Variants in GXYLT2 observed in about 807,000 individuals in gnomAD.
GXYLT2 encodes the protein glucoside xylosyltransferase 2.
In GXYLT2, 53 loss-of-function variants were observed where a neutral mutation model predicts 45.8. The observed-to-expected ratio is 1.16, with a 90% CI of 0.93 to 1.46. The LOEUF (loss-of-function observed/expected upper bound fraction) is 1.46. GXYLT2 is among the 40% of genes most tolerant of loss of function. The pLI, the probability that GXYLT2 is intolerant of heterozygous loss-of-function variation, is 0.00. For missense variants in GXYLT2, 551 were observed against 544.4 expected (o/e 1.01, Z -0.12); for synonymous variants, 219 against 214.2 (o/e 1.02, Z -0.19).
intron 5 of GXYLT2, among the ~76,000 whole-genome samples, chr3:72,961,616 CAAT>C (rs1449272165): frequency 3.3e-5 from 4 of 119,548 alleles, no homozygotes; most frequent in African/African-American, 9.8e-5. Flanking sequence ...AGTCCACAAT[CAAT>C]GATGATGGAT....
At chr3:72,927,619 C>G (rs994518817) in intron 3 of GXYLT2, among the ~76,000 whole-genome samples, 1 of 152,064 alleles carries the variant, frequency 6.6e-6, no homozygotes, top group Non-Finnish European at 1.5e-5. Context: ...TTGCAACAAA[C>G]CCTTTGGATA....
In GXYLT2 at chr3:72,929,570, G is replaced by A. The variant is rs1310306115; in HGVS notation, c.600+7235G>A. 9 of 1,118,246 alleles carry A rather than the reference G, an allele frequency of 8.0e-6. No homozygotes were observed. The East Asian group carries it at 1.6e-4, about 20-fold the overall frequency. 69.3% of individuals were successfully genotyped at this position (1,118,246 alleles called of 1,614,324 possible). ...CAGAATATCTCTTTGACAAGCACAC[G>A]CTGGGAGACAGTGATAACGAAAGCT... On this transcript the variant is annotated intron_variant, in intron 3 of 6. Coordinates refer to ENST00000389617, the MANE Select transcript of GXYLT2 (RefSeq NM_001080393.2).
chr3:72,961,586 C>T (rs1159083466), intron 5 of GXYLT2, among the ~76,000 whole-genome samples: 2 of 143,304 alleles, frequency 1.4e-5, no homozygotes, highest in Non-Finnish European at 3.0e-5. Context: ...TTGTCAACCC[C>T]AAGTGAATAC....
rs764633152 is a variant in GXYLT2, at chr3:72,975,069, G to T, written c.1242G>T (p.Pro414=). ...TGCACACTTTATGTGGACGAATCCC[G>T]CAAGTTTTTCTGAAGCAAATTGAGA... ...ETVHTLCGRI[P]QVFLKQIEKT... is the part of the protein sequence containing the mutation. Residue 414 remains proline, a synonymous_variant, in exon 7 of 7, where the codon CCG becomes CCT. Coordinates refer to ENST00000389617, the MANE Select transcript of GXYLT2 (RefSeq NM_001080393.2). 3.1e-6 allele frequency: 5 copies of T among 1,613,292 alleles called. No individual in the cohort carries two copies. In the South Asian group the frequency reaches 4.4e-5, roughly 14 times the overall value.
intron 1 of GXYLT2, 68 bp downstream of exon 1, chr3:72,888,576 C>A: frequency 9.8e-7 from 1 of 1,018,472 alleles, no homozygotes; most frequent in Non-Finnish European, 1.2e-6. Flanking sequence ...CGTGCCAAGT[C>A]CAAGGGAGGC....
At chr3:72,965,341 G>C (rs1461852824) in intron 5 of GXYLT2, among the ~76,000 whole-genome samples, 2 of 152,160 alleles carry the variant, frequency 1.3e-5, no homozygotes. Flanking sequence ...ACTAAGCAAT[G>C]ATTTTTTTCT....
At chr3:72,964,662 G>C (rs1710831917) in intron 5 of GXYLT2, among the ~76,000 whole-genome samples, 1 of 152,182 alleles carries the variant, frequency 6.6e-6, no homozygotes, top group Non-Finnish European at 1.5e-5. Context: ...TACTTGGAAA[G>C]AGGCAAAAAC....
chr3:72,946,115 A>G (rs202031794), intron 3 of GXYLT2, among the ~76,000 whole-genome samples: 2 of 151,844 alleles, frequency 1.3e-5, no homozygotes, highest in Admixed American at 6.6e-5. Flanking sequence ...TGTCTCTCCA[A>G]AAAATTTAAA....
intron 1 of GXYLT2, among the ~76,000 whole-genome samples, chr3:72,899,274 A>C (rs1709355526): frequency 6.6e-6 from 1 of 152,220 alleles, no homozygotes; most frequent in Admixed American, 6.5e-5. Context: ...TTTGTTTAAG[A>C]ATACAGCCTC....
intron 3 of GXYLT2, among the ~76,000 whole-genome samples, chr3:72,954,103 T>A (rs1322052139): frequency 6.6e-6 from 1 of 151,958 alleles, no homozygotes; most frequent in Non-Finnish European, 1.5e-5. Context: ...AAACTATATA[T>A]TTTTTTAATT....
chr3:72,925,512 G>C (rs1709902961), intron 3 of GXYLT2, among the ~76,000 whole-genome samples: 1 of 151,928 alleles, frequency 6.6e-6, no homozygotes, highest in Non-Finnish European at 1.5e-5. Context: ...TAAAAACTGG[G>C]GTAGGAAAAG....
At chr3:72,959,420 A>T (rs1710725062) in intron 5 of GXYLT2, among the ~76,000 whole-genome samples, 1 of 150,460 alleles carries the variant, frequency 6.6e-6, no homozygotes, top group African/African-American at 2.4e-5. Context: ...ACCCAGCCAA[A>T]TTTTTTTAAT....
chr3:72,969,401 A>G (rs1380684261), intron 6 of GXYLT2, among the ~76,000 whole-genome samples: 1 of 151,972 alleles, frequency 6.6e-6, no homozygotes, highest in East Asian at 1.9e-4. Context: ...TCAAAAAAAA[A>G]AAAAAAAATT....
chr3:72,895,282 C>T (rs1465685114), intron 1 of GXYLT2, among the ~76,000 whole-genome samples: 2 of 152,186 alleles, frequency 1.3e-5, no homozygotes, highest in Non-Finnish European at 2.9e-5. Flanking sequence ...TGGGGGGCAG[C>T]TCCCAACACT....
intron 1 of GXYLT2, among the ~76,000 whole-genome samples, chr3:72,895,267 G>A (rs958275548): frequency 2.0e-5 from 3 of 152,136 alleles, no homozygotes; most frequent in East Asian, 3.8e-4. Flanking sequence ...GGCTGGTGGC[G>A]GGGTTGGGGG....
At chr3:72,913,085 G>T (rs570167801) in intron 2 of GXYLT2, among the ~76,000 whole-genome samples, 2 of 148,074 alleles carry the variant, frequency 1.4e-5, no homozygotes, top group Admixed American at 6.8e-5. Context: ...TGGCCCAGGT[G>T]GGAGTGCAGT....
Position 72,908,461 on chromosome 3 carries a change from A to T in GXYLT2, c.370A>T (p.Thr124Ser). The change falls in exon 2 of 7, where the codon ACG (threonine) becomes TCG (serine). Residue 124 changes from threonine to serine, a missense_variant. Transcript: ENST00000389617. ...VVACGNRLEETLVMLKSAVLF... is the reference protein window; with the variant it reads ...VVACGNRLEESLVMLKSAVLF... ...GGCCTGTGGCAATCGGCTGGAGGAGACGCTGGTCATGCTCAAATCAGCTGT... is the reference window on the plus strand; with the variant it reads ...GGCCTGTGGCAATCGGCTGGAGGAGTCGCTGGTCATGCTCAAATCAGCTGT... 6.2e-7 allele frequency: 1 copy of T among 1,613,840 alleles called. No individual in the cohort carries two copies. Among genetic ancestry groups the T allele is most frequent in the Non-Finnish European group, 8.5e-7 (1 of 1,179,866 alleles).
chr3:72,956,322 G>C (rs1280427391), intron 4 of GXYLT2, among the ~76,000 whole-genome samples: 1 of 152,134 alleles, frequency 6.6e-6, no homozygotes, highest in Non-Finnish European at 1.5e-5. Context: ...GGATACGTCT[G>C]GGGAAAATGG....
In GXYLT2 at chr3:72,955,390, G is replaced by A. The variant is rs374657306; in HGVS notation, c.852+41G>A. ...AAAATTCCTTGTTTAAAGACTGGGA[G>A]TTGGTCTTGTCAACAGTGGCACTAC... On this transcript the variant is annotated intron_variant, in intron 4 of 6. Transcript: ENST00000389617. 7.6e-5 allele frequency: 121 copies of A among 1,600,268 alleles called. No individual in the cohort carries two copies. The African/African-American group carries it at 1.4e-3, about 19-fold the overall frequency.
Sources: allele counts gnomAD v4.1 joint callset (sites outside exome capture counted in the v4.1 genomes callset), GRCh38; gene constraint gnomAD v4.1.1; transcripts MANE v1.5; gene names NCBI Gene and HGNC (gene_info 2026-07-23, HGNC 2026-07-21).